The following CETN3 variants were observed in gnomAD, a reference collection of about 807,000 sequenced individuals.
CETN3 encodes centrin-3.
CETN3 carries 17 observed loss-of-function variants against 20.1 expected under a neutral mutation model. That is an observed-to-expected ratio of 0.85 (90% CI 0.58 to 1.27). The LOEUF is 1.27. Ranked by LOEUF, CETN3 falls within the 50% of genes most tolerant of loss-of-function variation. The pLI is 0.00. For synonymous variants in CETN3, 52 were observed against 59.7 expected, an observed-to-expected ratio of 0.87 and a Z score of 0.59; for missense variants, 169 against 191.2, an observed-to-expected ratio of 0.88 and a Z score of 0.69.
chr5:90,404,592 A>C (rs947661504), intron 3 of CETN3, among the ~76,000 whole-genome samples: 1 of 152,144 alleles, frequency 6.6e-6, no homozygotes, highest in Non-Finnish European at 1.5e-5. Flanking sequence ...TAAGTTGAGG[A>C]TCTTCTGTGC....
chr5:90,401,511 TTC>T (rs1484964199), intron 3 of CETN3, among the ~76,000 whole-genome samples: 1 of 152,114 alleles, frequency 6.6e-6, no homozygotes. Context: ...TCAAAATACT[TTC>T]TTAGACCTTT....
At chr5:90,404,870 A>G (rs892643121) in intron 3 of CETN3, among the ~76,000 whole-genome samples, 6 of 148,586 alleles carry the variant, frequency 4.0e-5, no homozygotes, top group African/African-American at 1.5e-4. Context: ...GGTTTAGAGA[A>G]AAAAAAAAAA....
Position 90,405,675 on chromosome 5 carries a change from A to C in CETN3, c.268+10T>G, listed in dbSNP as rs1471152917. 4 of 1,524,716 alleles carry C rather than the reference A, an allele frequency of 2.6e-6. No homozygotes were observed. The African/African-American group carries it at 5.5e-5, about 21-fold the overall frequency. 94.4% of individuals were successfully genotyped at this position (1,524,716 alleles called of 1,614,324 possible). On this transcript the variant is annotated intron_variant, in intron 3 of 4. Transcript: ENST00000283122. ...CAGCTGCTGATTACAAAGACTATTA[A>C]AATACACACCAACTTCATTAAAATC...
chr5:90,399,029 G>T, intron 4 of CETN3: 1 of 458,376 alleles, frequency 2.2e-6, no homozygotes, highest in South Asian at 3.0e-5. Flanking sequence ...GATAAAAACA[G>T]ATTCAAAACA....
At chr5:90,407,411 C>G (rs1580165461) in intron 2 of CETN3, among the ~76,000 whole-genome samples, 1 of 152,006 alleles carries the variant, frequency 6.6e-6, no homozygotes, top group East Asian at 1.9e-4. Flanking sequence ...AGAATAAATT[C>G]CAGTTTGAAA....
At chr5:90,400,016 C>A (rs1749241450) in intron 3 of CETN3, among the ~76,000 whole-genome samples, 1 of 152,150 alleles carries the variant, frequency 6.6e-6, no homozygotes, top group Non-Finnish European at 1.5e-5. Context: ...CAAATTTAAT[C>A]CAACTTCAAA....
intron 1 of CETN3, 81 bp downstream of exon 1, chr5:90,409,564 C>A (rs1385268328): frequency 1.3e-6 from 2 of 1,557,730 alleles, no homozygotes; most frequent in Non-Finnish European, 1.8e-6. Flanking sequence ...GCCTCGGCCC[C>A]AAACGTCCTC....
intron 4 of CETN3, among the ~76,000 whole-genome samples, chr5:90,396,835 A>C (rs1474124767): frequency 6.6e-6 from 1 of 152,116 alleles, no homozygotes; most frequent in African/African-American, 2.4e-5. Context: ...AAGTATTTAA[A>C]ATACGGTCAG....
intron 4 of CETN3, 78 bp from the exon 5 acceptor site, chr5:90,394,185 C>A: frequency 1.0e-6 from 1 of 955,936 alleles, no homozygotes; most frequent in Non-Finnish European, 1.6e-6. Flanking sequence ...CCATTTTACA[C>A]TAAGTATTTA....
chr5:90,399,653 C>T (rs938249979), intron 3 of CETN3, 104 bp from the exon 4 acceptor site: 3 of 870,596 alleles, frequency 3.4e-6, no homozygotes, highest in African/African-American at 3.4e-5. Flanking sequence ...CTGTGACTGT[C>T]AACTTTTAGT....
At chr5:90,409,579 C>A in intron 1 of CETN3, 66 bp downstream of exon 1, 1 of 1,595,854 alleles carries the variant, frequency 6.3e-7, no homozygotes, top group Non-Finnish European at 8.6e-7. Flanking sequence ...GTCCTCCCTT[C>A]CACACACACC....
At chr5:90,406,469 T>C (rs576288249) in intron 2 of CETN3, among the ~76,000 whole-genome samples, 1 of 151,460 alleles carries the variant, frequency 6.6e-6, no homozygotes, top group South Asian at 2.1e-4. Context: ...ATTAGAAAAG[T>C]TCAGGTGAGG....
At chr5:90,404,275 C>A (rs1012514087) in intron 3 of CETN3, among the ~76,000 whole-genome samples, 4 of 152,108 alleles carry the variant, frequency 2.6e-5, no homozygotes, top group African/African-American at 9.7e-5. Flanking sequence ...GTGGCAAAAC[C>A]AAGGTATGAA....
chr5:90,401,277 A>T (rs745394432), intron 3 of CETN3, among the ~76,000 whole-genome samples: 1 of 152,202 alleles, frequency 6.6e-6, no homozygotes, highest in Non-Finnish European at 1.5e-5. Context: ...ATTACCTAAT[A>T]TATAACTTTA....
chr5:90,403,115 T>C (rs986953434), intron 3 of CETN3, among the ~76,000 whole-genome samples: 1 of 152,188 alleles, frequency 6.6e-6, no homozygotes, highest in Middle Eastern at 3.2e-3. Context: ...ATTAAATATA[T>C]TTTAAAGCTT....
At chr5:90,408,191 C>G (rs1314060342) in intron 1 of CETN3, among the ~76,000 whole-genome samples, 1 of 151,966 alleles carries the variant, frequency 6.6e-6, no homozygotes, top group Non-Finnish European at 1.5e-5. Flanking sequence ...AACAAAAACA[C>G]GTTATCCTAC....
chr5:90,405,163 G>A (rs1421446878), intron 3 of CETN3, among the ~76,000 whole-genome samples: 1 of 152,094 alleles, frequency 6.6e-6, no homozygotes, highest in East Asian at 1.9e-4. Context: ...TATCCACTGA[G>A]ATCAAGGTCA....
chr5:90,404,858 T>C (rs189765867), intron 3 of CETN3, among the ~76,000 whole-genome samples: 91 of 150,506 alleles, frequency 6.0e-4, no homozygotes, highest in Non-Finnish European at 1.0e-3. Flanking sequence ...TCGTGACCCA[T>C]TGGTTTAGAG....
intron 4 of CETN3, 153 bp downstream of exon 4, chr5:90,399,205 C>G: frequency 1.5e-6 from 1 of 671,378 alleles, no homozygotes; most frequent in Non-Finnish European, 2.5e-6. Flanking sequence ...CTGCTTCATT[C>G]TAAATTGAAT....
Sources: allele counts gnomAD v4.1 joint callset (sites outside exome capture counted in the v4.1 genomes callset), GRCh38; gene constraint gnomAD v4.1.1; transcripts MANE v1.5; gene names NCBI Gene and HGNC (gene_info 2026-07-23, HGNC 2026-07-21).